Variants in CNTNAP5 observed in about 807,000 individuals in gnomAD.
The protein encoded by CNTNAP5 is contactin-associated protein-like 5.
Under a neutral mutation model 150.2 loss-of-function variants are expected in CNTNAP5, and 72 were observed. The ratio of observed to expected loss-of-function variants is 0.48; its 90% CI spans 0.40 to 0.58. The LOEUF is 0.58. CNTNAP5 is among the 20% of genes least tolerant of loss of function. The pLI is 0.00. For synonymous variants in CNTNAP5, 672 were observed against 619.8 expected, an observed-to-expected ratio of 1.08 and a Z score of -1.25; for missense variants, 1,636 against 1,626.2, an observed-to-expected ratio of 1.01 and a Z score of -0.10.
chr2:124,601,038 GTAGT>G (rs1489832199), intron 11 of CNTNAP5, among the ~76,000 whole-genome samples: 2 of 152,102 alleles, frequency 1.3e-5, no homozygotes, highest in Non-Finnish European at 2.9e-5. Flanking sequence ...TGTGTAAGAA[GTAGT>G]TAGATTATCA....
chr2:124,541,179 A>ATTTTTTTTTTATTTTTTTT (rs1695373958), intron 10 of CNTNAP5, among the ~76,000 whole-genome samples: 1 of 83,082 alleles, frequency 1.2e-5, no homozygotes, highest in Non-Finnish European at 2.3e-5. Context: ...CAAAATTCCG[A>ATTTTTTTTTTATTTTTTTT]TTTTTTTTTT....
intron 3 of CNTNAP5, among the ~76,000 whole-genome samples, chr2:124,260,016 A>C (rs966483570): frequency 2.6e-5 from 4 of 152,170 alleles, no homozygotes; most frequent in African/African-American, 7.2e-5. Flanking sequence ...GAAAAAAACT[A>C]CTTTAAAATT....
At chr2:124,034,043 T>G in intron 1 of CNTNAP5, among the ~76,000 whole-genome samples, 1 of 152,218 alleles carries the variant, frequency 6.6e-6, no homozygotes, top group East Asian at 1.9e-4. Context: ...GCTGCTTTCC[T>G]ATTTTTGCCC....
intron 16 of CNTNAP5, among the ~76,000 whole-genome samples, chr2:124,767,736 C>T (rs1050854546): frequency 6.6e-6 from 1 of 152,168 alleles, no homozygotes; most frequent in Non-Finnish European, 1.5e-5. Context: ...TTCACTGGTA[C>T]TGGAGCATGT....
chr2:124,912,023 A>G (rs1356028523), intron 23 of CNTNAP5, among the ~76,000 whole-genome samples: 1 of 152,018 alleles, frequency 6.6e-6, no homozygotes, highest in African/African-American at 2.4e-5. Context: ...CACTGCACAT[A>G]TGGTTACAGA....
At chr2:124,417,738 A>G (rs1357903949) in intron 4 of CNTNAP5, 148 bp downstream of exon 4, 2 of 785,250 alleles carry the variant, frequency 2.5e-6, no homozygotes, top group African/African-American at 1.7e-5. Flanking sequence ...GTTCAATTCA[A>G]TCCCAAAGTA....
At chr2:124,622,676 C>T (rs911140098) in intron 12 of CNTNAP5, among the ~76,000 whole-genome samples, 6 of 152,070 alleles carry the variant, frequency 3.9e-5, no homozygotes, top group Non-Finnish European at 7.4e-5. Context: ...TGGTGTGACA[C>T]GATATCTCAT....
chr2:124,801,970 C>A (rs1318182849), intron 19 of CNTNAP5, among the ~76,000 whole-genome samples: 2 of 152,044 alleles, frequency 1.3e-5, no homozygotes, highest in African/African-American at 4.8e-5. Context: ...TTCAAACCTC[C>A]CTGAGAAGAA....
At chr2:124,305,111 CAAAAA>C (rs57896748) in intron 3 of CNTNAP5, among the ~76,000 whole-genome samples, 1,510 of 86,388 alleles carry the variant, frequency 0.017, 38 homozygotes, top group African/African-American at 0.062. Flanking sequence ...ACAAAAAATA[CAAAAA>C]AAAAAAAAAA....
At chr2:124,461,151 A>G (rs1693239919) in intron 6 of CNTNAP5, among the ~76,000 whole-genome samples, 1 of 152,086 alleles carries the variant, frequency 6.6e-6, no homozygotes, top group South Asian at 2.1e-4. Flanking sequence ...TAGAAATACC[A>G]TTTGACCCAG....
At chr2:124,409,236 C>A (rs1691680554) in intron 3 of CNTNAP5, among the ~76,000 whole-genome samples, 1 of 108,310 alleles carries the variant, frequency 9.2e-6, no homozygotes, top group Non-Finnish European at 1.9e-5. Context: ...GTGAAAAGAC[C>A]AAATCTACGT....
intron 1 of CNTNAP5, among the ~76,000 whole-genome samples, chr2:124,202,321 G>A (rs1236579067): frequency 6.6e-6 from 1 of 152,108 alleles, no homozygotes; most frequent in Non-Finnish European, 1.5e-5. Context: ...ATGAATTGTG[G>A]GAGTGTCATA....
chr2:124,424,643 T>C (rs116492150), intron 4 of CNTNAP5, among the ~76,000 whole-genome samples: 1,809 of 152,278 alleles, frequency 0.012, 31 homozygotes, highest in African/African-American at 0.041. Context: ...TGATCTTCCA[T>C]CTTAAATCAA....
intron 13 of CNTNAP5, among the ~76,000 whole-genome samples, chr2:124,744,805 A>G: frequency 6.6e-6 from 1 of 152,160 alleles, no homozygotes; most frequent in East Asian, 1.9e-4. Flanking sequence ...GAGGCGAGTC[A>G]AACCCCTGTT....
rs774054246 is a variant in CNTNAP5 at position 124,474,778 on chromosome 2, A to G, written c.958A>G (p.Thr320Ala). Residue 320 changes from threonine to alanine, a missense_variant, in exon 7 of 24, where the codon ACC (threonine) becomes GCC (alanine). By Grantham distance (58) the Thr-to-Ala change is moderately conservative. Coordinates refer to ENST00000682447, the MANE Select transcript of CNTNAP5 (RefSeq NM_001367498.1). The stretch of plus-strand genomic sequence containing the variant: ...AATTCCAGTACCAGGAAAACCTGGG[A>G]CCTTTTTAAAGAAAAACTTCCATGG... ...GGIPVPGKPG[T>A]FLKKNFHGCI... The G allele has an allele frequency of 1.9e-6, 3 of 1,599,424 alleles. No individual in the cohort carries two copies. The highest frequency in any genetic ancestry group is 2.6e-6 in the Non-Finnish European group (3 of 1,174,128).
intron 1 of CNTNAP5, among the ~76,000 whole-genome samples, chr2:124,217,856 G>T (rs540765295): frequency 6.6e-6 from 1 of 152,132 alleles, no homozygotes; most frequent in Non-Finnish European, 1.5e-5. Flanking sequence ...ATGACTCTAT[G>T]GCTGGATATG....
intron 3 of CNTNAP5, among the ~76,000 whole-genome samples, chr2:124,264,818 G>C (rs1033816842): frequency 2.6e-5 from 4 of 152,202 alleles, no homozygotes; most frequent in African/African-American, 9.6e-5. Context: ...GTTCTTCATT[G>C]GACTGGAATG....
chr2:124,042,241 A>G (rs1573711973), intron 1 of CNTNAP5, among the ~76,000 whole-genome samples: 2 of 152,324 alleles, frequency 1.3e-5, no homozygotes, highest in African/African-American at 2.4e-5. Context: ...AAATATGATG[A>G]CATATACTTT....
At chr2:124,561,052 G>A (rs1186402088) in intron 10 of CNTNAP5, among the ~76,000 whole-genome samples, 1 of 152,012 alleles carries the variant, frequency 6.6e-6, no homozygotes, top group Non-Finnish European at 1.5e-5. Context: ...TGTTTTGTTG[G>A]GGGAGGGCAG....
Sources: allele counts gnomAD v4.1 joint callset (sites outside exome capture counted in the v4.1 genomes callset), GRCh38; gene constraint gnomAD v4.1.1; transcripts MANE v1.5; gene names NCBI Gene and HGNC (gene_info 2026-07-23, HGNC 2026-07-21).